EPHA3: variants seen among roughly 807,000 people sequenced by gnomAD.
EPHA3 encodes EPH receptor A3.
A neutral mutation model predicts 107.1 loss-of-function variants in EPHA3; 42 were observed. That is an observed-to-expected ratio of 0.39 (90% CI 0.31 to 0.51). EPHA3 has a LOEUF of 0.51. EPHA3 is among the 20% of genes least tolerant of loss of function. The pLI is 0.78. For synonymous variants in EPHA3, 461 were observed against 424.8 expected (o/e 1.09, Z -1.05); for missense variants, 1,183 against 1,211.2 (o/e 0.98, Z 0.35).
intron 2 of EPHA3, among the ~76,000 whole-genome samples, chr3:89,135,739 G>A (rs1704296498): frequency 6.9e-6 from 1 of 144,648 alleles, no homozygotes; most frequent in South Asian, 2.2e-4. Context: ...AAATACAACT[G>A]GCTTGTGAAC....
At chr3:89,413,564 A>T (rs1709195078) in intron 10 of EPHA3, among the ~76,000 whole-genome samples, 1 of 151,782 alleles carries the variant, frequency 6.6e-6, no homozygotes, top group African/African-American at 2.4e-5. Flanking sequence ...CTAAATAAGG[A>T]TAACTGGATA....
At chr3:89,109,935 G>T (rs1007118325) in intron 1 of EPHA3, among the ~76,000 whole-genome samples, 25 of 152,012 alleles carry the variant, frequency 1.6e-4, no homozygotes, top group African/African-American at 5.8e-4. Context: ...ATTTAACTTA[G>T]GTAATACTTG....
At chr3:89,268,050 C>A (rs561202764) in intron 3 of EPHA3, among the ~76,000 whole-genome samples, 1 of 152,196 alleles carries the variant, frequency 6.6e-6, no homozygotes, top group East Asian at 1.9e-4. Context: ...AGATAACGTG[C>A]AGTTCCTAAT....
chr3:89,266,619 A>T (rs981939945), intron 3 of EPHA3, among the ~76,000 whole-genome samples: 1 of 152,072 alleles, frequency 6.6e-6, no homozygotes, highest in African/African-American at 2.4e-5. Context: ...TTTCTTACAT[A>T]AGTAGCATAT....
intron 2 of EPHA3, among the ~76,000 whole-genome samples, chr3:89,187,129 C>T (rs1274416149): frequency 2.6e-5 from 4 of 151,572 alleles, no homozygotes; most frequent in South Asian, 2.1e-4. Context: ...TTTATCCTCA[C>T]GAATATTTTT....
At chr3:89,329,498 G>A (rs890163469) in intron 3 of EPHA3, among the ~76,000 whole-genome samples, 57 of 151,978 alleles carry the variant, frequency 3.8e-4, no homozygotes, top group Non-Finnish European at 3.2e-4. Flanking sequence ...TTTCCAATAC[G>A]CTATTTTCTC....
chr3:89,233,126 A>C (rs1704675598), intron 3 of EPHA3, among the ~76,000 whole-genome samples: 1 of 152,172 alleles, frequency 6.6e-6, no homozygotes. Context: ...AAAAGGTTAG[A>C]ATTTAGGAGA....
At chr3:89,474,822 C>CA (rs1710474099) in intron 16 of EPHA3, among the ~76,000 whole-genome samples, 1 of 152,186 alleles carries the variant, frequency 6.6e-6, no homozygotes, top group African/African-American at 2.4e-5. Flanking sequence ...TGTTGGACGT[C>CA]AAACTCTTTT....
intron 5 of EPHA3, among the ~76,000 whole-genome samples, chr3:89,355,322 T>C (rs974634537): frequency 1.9e-4 from 28 of 151,286 alleles, no homozygotes; most frequent in African/African-American, 6.5e-4. Flanking sequence ...GACTAGACCA[T>C]TTCTAAGTTT....
chr3:89,384,902 G>A (rs1708585956), intron 5 of EPHA3, among the ~76,000 whole-genome samples: 1 of 152,114 alleles, frequency 6.6e-6, no homozygotes. Context: ...AACTGCAGAT[G>A]TATTATATGT....
intron 3 of EPHA3, among the ~76,000 whole-genome samples, chr3:89,288,609 C>A (rs1706144019): frequency 6.6e-6 from 1 of 152,146 alleles, no homozygotes. Context: ...GGGTTGCTAT[C>A]ACCCAGTAAT....
intron 3 of EPHA3, among the ~76,000 whole-genome samples, chr3:89,230,276 T>G (rs1364807662): frequency 2.0e-5 from 3 of 152,086 alleles, no homozygotes; most frequent in Non-Finnish European, 2.9e-5. Context: ...AAATGGCCTC[T>G]AGATAGGAGG....
intron 5 of EPHA3, among the ~76,000 whole-genome samples, chr3:89,386,993 G>A (rs1576350939): frequency 6.6e-6 from 1 of 152,338 alleles, no homozygotes; most frequent in South Asian, 2.1e-4. Flanking sequence ...TATCTGGGAA[G>A]TAAGTGACTT....
At chr3:89,244,409 T>C (rs1158393103) in intron 3 of EPHA3, among the ~76,000 whole-genome samples, 1 of 152,086 alleles carries the variant, frequency 6.6e-6, no homozygotes, top group East Asian at 1.9e-4. Context: ...AGTATTCACA[T>C]GGTTACATAT....
chr3:89,438,270 G>T (rs370978310), intron 13 of EPHA3, among the ~76,000 whole-genome samples: 1 of 151,660 alleles, frequency 6.6e-6, no homozygotes, highest in Admixed American at 6.6e-5. Flanking sequence ...CACTACACCC[G>T]GCTAATTTTT....
chr3:89,419,480 T>C, intron 11 of EPHA3, 90 bp downstream of exon 11: 1 of 1,150,704 alleles, frequency 8.7e-7, no homozygotes, highest in Non-Finnish European at 1.2e-6. Flanking sequence ...TTTTGGCTTT[T>C]TTTCATAAGT....
chr3:89,141,881 T>C (rs1003878485), intron 2 of EPHA3, among the ~76,000 whole-genome samples: 1 of 151,390 alleles, frequency 6.6e-6, no homozygotes, highest in Non-Finnish European at 1.5e-5. Context: ...GGCCCCTATA[T>C]TATAAATAAT....
intron 5 of EPHA3, among the ~76,000 whole-genome samples, chr3:89,369,357 C>T (rs1485163094): frequency 1.3e-5 from 2 of 149,936 alleles, no homozygotes; most frequent in African/African-American, 4.9e-5. Context: ...GTATCTACAA[C>T]TATCTGATCT....
At chr3:89,330,071 C>T (rs1295766622) in intron 3 of EPHA3, among the ~76,000 whole-genome samples, 1 of 151,900 alleles carries the variant, frequency 6.6e-6, no homozygotes, top group Admixed American at 6.6e-5. Flanking sequence ...TTAAAAAACT[C>T]ATTCAGTCAA....
Sources: gnomAD v4.1 joint callset for allele counts (sites outside exome capture counted in the v4.1 genomes callset) on GRCh38, gnomAD v4.1.1 for gene constraint, MANE v1.5 for transcripts, NCBI Gene and HGNC (gene_info 2026-07-23, HGNC 2026-07-21) for gene names.